ARHGAP32: variants seen among roughly 807,000 people sequenced by gnomAD.
The protein encoded by ARHGAP32 is rho GTPase-activating protein 32.
ARHGAP32 carries 51 observed loss-of-function variants against 186.5 expected under a neutral mutation model. That is an observed-to-expected ratio of 0.27 (90% CI 0.22 to 0.35). The LOEUF (loss-of-function observed/expected upper bound fraction) is 0.35. Among genes scored for constraint, ARHGAP32 ranks in the 10% least tolerant of loss-of-function variants. The probability of loss-of-function intolerance (pLI) is 1.00; values close to 1 mark genes in which losing one functional copy is unlikely to be tolerated. For synonymous variants in ARHGAP32, 950 were observed against 964.3 expected, an observed-to-expected ratio of 0.99 and a Z score of 0.27; for missense variants, 2,186 against 2,623.5, an observed-to-expected ratio of 0.83 and a Z score of 3.64.
In ARHGAP32 at chr11:128,969,739, T is replaced by C; in HGVS notation, c.5474A>G (p.Glu1825Gly). ...TGLLSVAEGK[E>G]SRHAAKAISP... ...GATGGCCTTGGCTGCATGGCGGCTC[T>C]CCTTTCCTTCTGCCACTGAGAGAAG... The change falls in exon 23 of 23, where the codon GAG becomes GGG. Residue 1825 changes from glutamate (E) to glycine (G), a missense_variant. Physicochemically the swap from Glu to Gly is moderately conservative, Grantham distance 98 (BLOSUM62 -2). Transcript: ENST00000682385. This position sits in a 1 kb window ranked among gnomAD's most constrained non-coding sequence, Gnocchi z 4.8. 1 of 1,614,176 alleles carries C rather than the reference T, an allele frequency of 6.2e-7. No individual in the cohort carries two copies. The highest frequency in any genetic ancestry group is 2.2e-5 in the East Asian group (1 of 44,884).
chr11:129,148,698 G>A (rs1943223818), intron 2 of ARHGAP32, among the ~76,000 whole-genome samples: 1 of 152,172 alleles, frequency 6.6e-6, no homozygotes, highest in Admixed American at 6.5e-5. Context: ...GGGCAAGGTG[G>A]GAAAGCCATG....
intron 1 of ARHGAP32, among the ~76,000 whole-genome samples, chr11:129,169,302 G>A (rs1943704368): frequency 6.6e-6 from 1 of 151,796 alleles, no homozygotes. Flanking sequence ...TAATAAAAAG[G>A]GAGCCATAAA....
chr11:129,000,744 C>G (rs1410984823), intron 11 of ARHGAP32, among the ~76,000 whole-genome samples: 2 of 152,060 alleles, frequency 1.3e-5, no homozygotes, highest in East Asian at 3.9e-4. Context: ...TACCCATTAA[C>G]CATCCCTATT....
intron 11 of ARHGAP32, among the ~76,000 whole-genome samples, chr11:129,000,903 T>C (rs1946340833): frequency 1.3e-5 from 2 of 152,326 alleles, no homozygotes; most frequent in Non-Finnish European, 2.9e-5. Flanking sequence ...GCTTGGCTTA[T>C]TTCACTTAAT....
chr11:129,222,782 T>C lies in ARHGAP32; in HGVS notation c.-5+56364A>G, dbSNP rs1357634613. On this transcript the variant is annotated intron_variant, in intron 1 of 6. Transcript: ENST00000525234. ...CAATCTAATAGTGCAATACTTCTTG[T>C]TTGCAAACTTTTAATGTAAAAAGAT... Among the ~76,000 whole-genome samples the C allele has an allele frequency of 5.8e-4, 89 of 152,178 alleles. 4 individuals carry two copies. The highest frequency in any genetic ancestry group is 5.8e-3 in the Admixed American group (89 of 15,272).
intron 1 of ARHGAP32, among the ~76,000 whole-genome samples, chr11:129,248,318 C>T (rs1158156591): frequency 6.6e-6 from 1 of 152,052 alleles, no homozygotes; most frequent in Admixed American, 6.5e-5. Flanking sequence ...TTAACATTCC[C>T]TAATATCCAA....
At chr11:129,101,295 A>G (rs914745068) in intron 5 of ARHGAP32, among the ~76,000 whole-genome samples, 1 of 152,222 alleles carries the variant, frequency 6.6e-6, no homozygotes, top group Non-Finnish European at 1.5e-5. Context: ...GAAAACTCAA[A>G]AAGCCAGAGT....
chr11:129,211,027 C>T (rs1944573022), intron 1 of ARHGAP32, among the ~76,000 whole-genome samples: 1 of 152,084 alleles, frequency 6.6e-6, no homozygotes, highest in Admixed American at 6.6e-5. Context: ...CATAGCACTT[C>T]CTCATTTTTT....
At chr11:129,100,005 C>T (rs1311890997) in intron 5 of ARHGAP32, among the ~76,000 whole-genome samples, 2 of 152,174 alleles carry the variant, frequency 1.3e-5, no homozygotes, top group Non-Finnish European at 2.9e-5. Flanking sequence ...TGGCAAGGAG[C>T]AACCTGCACT....
At chr11:129,110,060 GT>G (rs1473107495) in intron 5 of ARHGAP32, among the ~76,000 whole-genome samples, 2 of 152,074 alleles carry the variant, frequency 1.3e-5, no homozygotes, top group African/African-American at 4.8e-5. Flanking sequence ...TCTTCTAGTA[GT>G]TTTATAGATT....
intron 1 of ARHGAP32, among the ~76,000 whole-genome samples, chr11:129,228,695 T>C (rs533065287): frequency 6.6e-6 from 1 of 152,048 alleles, no homozygotes; most frequent in South Asian, 2.1e-4. Context: ...CATCACACAC[T>C]GGGGCTTGTT....
rs1268696082 is a variant in ARHGAP32 at position 129,063,813 on chromosome 11, A to AGGTTAAG, written c.885+88_885+89insCTTAACC. The AGGTTAAG allele has an allele frequency of 2.1e-4, 293 of 1,368,800 alleles. 2 individuals carry two copies. In the South Asian group the frequency reaches 5.1e-3, roughly 24 times the overall value. The allele number at this position is 1,368,800 out of a possible 1,614,324, so 84.8% of individuals were successfully genotyped here. On this transcript the variant is annotated intron_variant, in intron 9 of 22. Coordinates refer to ENST00000682385, the MANE Select transcript of ARHGAP32 (RefSeq NM_001378024.1). ...AAAACCTGGTGCTTTTCATTTTTTT[A>AGGTTAAG]AAAATTAAGGAAATGGTTAAGAACA...
At chr11:129,048,000 A>C (rs1302919314) in intron 10 of ARHGAP32, among the ~76,000 whole-genome samples, 3 of 152,220 alleles carry the variant, frequency 2.0e-5, no homozygotes, top group Non-Finnish European at 4.4e-5. Context: ...CTTACTTTTT[A>C]GCTCTGGTTC....
chr11:128,973,542 TTTCAAAATGGC>T (rs1945456115), intron 21 of ARHGAP32, 110 bp from the exon 22 acceptor site: 1 of 1,208,264 alleles, frequency 8.3e-7, no homozygotes, highest in African/African-American at 1.5e-5. Context: ...GCCTTCCATA[TTTCAAAATGGC>T]AATCCATGAT....
intron 11 of ARHGAP32, among the ~76,000 whole-genome samples, chr11:129,019,369 A>G (rs1321439568): frequency 6.6e-6 from 1 of 152,226 alleles, no homozygotes; most frequent in Non-Finnish European, 1.5e-5. Flanking sequence ...AGGGCTTTAC[A>G]TGTATTAACT....
At chr11:129,042,865 TG>T (rs1939651329) in intron 10 of ARHGAP32, among the ~76,000 whole-genome samples, 1 of 151,970 alleles carries the variant, frequency 6.6e-6, no homozygotes, top group African/African-American at 2.4e-5. Flanking sequence ...GAAGAGGACT[TG>T]GGGGGATGAA....
intron 1 of ARHGAP32, among the ~76,000 whole-genome samples, chr11:129,269,946 G>A (rs1383786446): frequency 6.6e-6 from 1 of 152,082 alleles, no homozygotes; most frequent in Non-Finnish European, 1.5e-5. Context: ...CACTTGGGAA[G>A]ACAGTGTTGC....
chr11:128,971,187 C>A, intron 22 of ARHGAP32, 28 bp from the exon 23 acceptor site: 1 of 1,552,044 alleles, frequency 6.4e-7, no homozygotes. Context: ...TACTATGGGT[C>A]TATTTTTTGT....
chr11:129,169,086 G>GC (rs1211626287), intron 1 of ARHGAP32, among the ~76,000 whole-genome samples: 1 of 152,072 alleles, frequency 6.6e-6, no homozygotes, highest in Non-Finnish European at 1.5e-5. Flanking sequence ...CTACTTCTAA[G>GC]CTTCTATCAC....
Sources: allele counts gnomAD v4.1 joint callset (sites outside exome capture counted in the v4.1 genomes callset), GRCh38; gene constraint gnomAD v4.1.1; non-coding constraint Gnocchi (gnomAD v3.1); transcripts MANE v1.5; gene names NCBI Gene and HGNC (gene_info 2026-07-23, HGNC 2026-07-21).